PSEN1: variants seen among roughly 807,000 people sequenced by gnomAD.
PSEN1 encodes the protein presenilin 1, also known as presenilin-1.
Under a neutral mutation model 53.5 loss-of-function variants are expected in PSEN1, and 15 were observed. The observed-to-expected ratio is 0.28, with a 90% CI of 0.19 to 0.43. The LOEUF (loss-of-function observed/expected upper bound fraction) is 0.43, where lower values mean the gene tolerates loss of function less well. Among genes scored for constraint, PSEN1 ranks in the 20% least tolerant of loss-of-function variants. The pLI, the probability that PSEN1 is intolerant of heterozygous loss-of-function variation, is 1.00. For missense variants in PSEN1, 387 were observed against 571.2 expected, an observed-to-expected ratio of 0.68 and a Z score of 3.29; for synonymous variants, 208 against 209.8, an observed-to-expected ratio of 0.99 and a Z score of 0.08.
At chr14:73,164,262 A>G (rs1897641136) in intron 3 of PSEN1, among the ~76,000 whole-genome samples, 1 of 152,212 alleles carries the variant, frequency 6.6e-6, no homozygotes, top group South Asian at 2.1e-4. Context: ...ATAGAGTTCT[A>G]GGAGAGGTCA....
intron 6 of PSEN1, among the ~76,000 whole-genome samples, chr14:73,190,482 A>AT (rs200088445): frequency 7.3e-6 from 1 of 136,802 alleles, no homozygotes. Context: ...CCTTGTCTCT[A>AT]TTTAAAAAAA....
At chr14:73,144,200 C>G (rs777657015) in intron 1 of PSEN1, among the ~76,000 whole-genome samples, 1 of 151,838 alleles carries the variant, frequency 6.6e-6, no homozygotes, top group Non-Finnish European at 1.5e-5. Context: ...GTCACCATGC[C>G]TGGCTAATTT....
chr14:73,219,956 T>C lies in PSEN1; in HGVS notation c.*667T>C, dbSNP rs1403273658. ...TCTTCTTCTCAAGCACTGACACTCA[T>C]TACCGTCTGTGATTGCCATTTCTTC... On this transcript the variant is annotated 3_prime_UTR_variant, in exon 12 of 12. Coordinates refer to ENST00000324501, the MANE Select transcript of PSEN1 (RefSeq NM_000021.4). 6.5e-6 allele frequency: 1 copy of C among 152,828 alleles called. No individual in the cohort carries two copies. Among genetic ancestry groups the C allele is most frequent in the East Asian group, 1.9e-4 (1 of 5,192 alleles). 9.5% of individuals were successfully genotyped at this position (152,828 alleles called of 1,614,324 possible). A position where few individuals can be genotyped will look rare whatever the true frequency, so the allele number is the denominator to read the frequency against.
Position 73,200,438 on chromosome 14 carries a change from T to C in PSEN1, c.868+2309T>C, listed in dbSNP as rs370786580. On this transcript the variant is annotated intron_variant, in intron 8 of 11. Transcript: ENST00000324501. The stretch of plus-strand genomic sequence containing the variant: ...GCGCATGCCACCACGCCTGGCTGAT[T>C]TTTGTATTTTTAGTAGAGACGGGAT... Among the ~76,000 whole-genome samples the C allele has an allele frequency of 2.0e-4, 31 of 152,128 alleles. No individual in the cohort carries two copies. In the East Asian group the frequency reaches 3.3e-3, roughly 16 times the overall value.
chr14:73,169,806 C>T (rs535350728), intron 3 of PSEN1, among the ~76,000 whole-genome samples: 5 of 152,172 alleles, frequency 3.3e-5, no homozygotes, highest in East Asian at 3.9e-4. Flanking sequence ...CCACCATGCC[C>T]GACTAATTTT....
Position 73,206,410 on chromosome 14 carries a change from T to A in PSEN1, c.893T>A (p.Met298Lys). The A allele has an allele frequency of 6.2e-7, 1 of 1,614,130 alleles. No homozygotes were observed. Among genetic ancestry groups the A allele is most frequent in the Non-Finnish European group, 8.5e-7 (1 of 1,179,982 alleles). The change falls in exon 9 of 12, where the codon ATG becomes AAG. Residue 298 changes from methionine to lysine, a missense_variant. Physicochemically the swap from Met to Lys is moderately conservative, Grantham distance 95. This residue lies in a region of PSEN1 where 169 missense variants were observed against 299.7 expected (regional missense o/e 0.56). Transcript: ENST00000324501. ...GCAACAATGGTGTGGTTGGTGAATA[T>A]GGCAGAAGGAGACCCGGAAGCTCAA... ...YSSTMVWLVN[M>K]AEGDPEAQRR...
At position 73,159,486 on chromosome 14, in the gene PSEN1, C is replaced by G. The variant is rs146875208; in HGVS notation, c.88-11311C>G. ...TCATGTTTTACATTAGGTCTGTGAT[C>G]CTTTTGAAGTTGATTGTTATACGTG... On this transcript the variant is annotated intron_variant, in intron 3 of 11. Transcript: ENST00000324501. Among the ~76,000 whole-genome samples the G allele has an allele frequency of 6.3e-3, 955 of 152,140 alleles. 13 individuals are homozygous for G. The highest frequency in any genetic ancestry group is 0.021 in the African/African-American group (892 of 41,500).
At chr14:73,211,287 G>A (rs1449317095) in intron 9 of PSEN1, among the ~76,000 whole-genome samples, 2 of 152,138 alleles carry the variant, frequency 1.3e-5, no homozygotes, top group African/African-American at 2.4e-5. Flanking sequence ...ACTGCTCTTC[G>A]TGGTCATGAC....
At chr14:73,196,524 T>C in intron 7 of PSEN1, among the ~76,000 whole-genome samples, 1 of 141,294 alleles carries the variant, frequency 7.1e-6, no homozygotes, top group Admixed American at 7.5e-5. Flanking sequence ...CTTTGTCACC[T>C]AGGCAGTGGC....
At chr14:73,148,889 C>T (rs537330564) in intron 3 of PSEN1, among the ~76,000 whole-genome samples, 15 of 152,052 alleles carry the variant, frequency 9.9e-5, no homozygotes, top group African/African-American at 2.9e-4. Flanking sequence ...GCTGACGTCG[C>T]GCCATTGCAC....
chr14:73,211,335 A>T (rs989721922), intron 9 of PSEN1, among the ~76,000 whole-genome samples: 1 of 152,174 alleles, frequency 6.6e-6, no homozygotes, highest in Non-Finnish European at 1.5e-5. Flanking sequence ...ATAAGGCAAC[A>T]TTCAGGGGTA....
intron 7 of PSEN1, among the ~76,000 whole-genome samples, chr14:73,195,520 A>G (rs1297749155): frequency 5.3e-5 from 8 of 152,168 alleles, no homozygotes; most frequent in Admixed American, 2.0e-4. Flanking sequence ...CTCAACTCCT[A>G]TGTCAGTTAT....
chr14:73,166,993 GATTT>G (rs141287499), intron 3 of PSEN1, among the ~76,000 whole-genome samples: 3 of 152,032 alleles, frequency 2.0e-5, no homozygotes, highest in East Asian at 3.9e-4. Flanking sequence ...CAGACTGGGT[GATTT>G]ATTTATTTAT....
chr14:73,201,253 A>AC (rs1415563272), intron 8 of PSEN1, among the ~76,000 whole-genome samples: 1 of 151,866 alleles, frequency 6.6e-6, no homozygotes, highest in East Asian at 2.0e-4. Context: ...ACGCCCGGCT[A>AC]ATTTTTGTAT....
intron 3 of PSEN1, among the ~76,000 whole-genome samples, chr14:73,160,803 CT>C (rs34048372): frequency 3.0e-4 from 25 of 84,716 alleles, no homozygotes; most frequent in African/African-American, 7.7e-4. Context: ...AATTGTAGGA[CT>C]TTTTTTTTTT....
In PSEN1 at chr14:73,221,501, A is replaced by G. The variant is rs1900117373; in HGVS notation, c.*2212A>G. Reference sequence around the variant, plus strand: ...CTATGTATTACTGATTGTCCTGTGTAGAAAGATGGCAATTATTCTGTCTCT... The same window carrying G: ...CTATGTATTACTGATTGTCCTGTGTGGAAAGATGGCAATTATTCTGTCTCT... On this transcript the variant is annotated 3_prime_UTR_variant, in exon 12 of 12. Transcript: ENST00000324501. 1 of 152,180 alleles carries G rather than the reference A, an allele frequency of 6.6e-6. No homozygotes were observed. The allele number at this position is 152,180 out of a possible 1,614,324, so 9.4% of individuals were successfully genotyped here. A position where few individuals can be genotyped will look rare whatever the true frequency, so the allele number is the denominator to read the frequency against.
At chr14:73,151,306 A>G (rs1460780208) in intron 3 of PSEN1, among the ~76,000 whole-genome samples, 1 of 152,200 alleles carries the variant, frequency 6.6e-6, no homozygotes, top group Non-Finnish European at 1.5e-5. Context: ...TGCTGCAGTG[A>G]CATACTAATT....
At chr14:73,197,519 T>TA (rs1413089963) in intron 7 of PSEN1, among the ~76,000 whole-genome samples, 1 of 152,198 alleles carries the variant, frequency 6.6e-6, no homozygotes, top group Non-Finnish European at 1.5e-5. Context: ...ATACTGCTTT[T>TA]AAAAAGGAGA....
intron 3 of PSEN1, among the ~76,000 whole-genome samples, chr14:73,162,147 C>G (rs981232476): frequency 4.7e-5 from 7 of 150,486 alleles, no homozygotes; most frequent in African/African-American, 1.7e-4. Context: ...CCACTGCACT[C>G]CAGCCTGGGC....
Sources: gnomAD v4.1 joint callset for allele counts (sites outside exome capture counted in the v4.1 genomes callset) on GRCh38, gnomAD v4.1.1 for gene constraint, gnomAD v4.1.1 regional missense constraint, MANE v1.5 for transcripts, NCBI Gene and HGNC (gene_info 2026-07-23, HGNC 2026-07-21) for gene names.